KIF3A: variants seen among roughly 807,000 people sequenced by gnomAD.
The protein encoded by KIF3A is kinesin family member 3A.
Under a neutral mutation model 92.6 loss-of-function variants are expected in KIF3A, and 27 were observed. The observed-to-expected ratio is 0.29, with a 90% CI of 0.21 to 0.40. The LOEUF is 0.40. KIF3A is among the 10% of genes least tolerant of loss of function. The pLI is 1.00. For synonymous variants in KIF3A, 250 were observed against 275.4 expected, an observed-to-expected ratio of 0.91 and a Z score of 0.92; for missense variants, 581 against 872.6, an observed-to-expected ratio of 0.67 and a Z score of 4.21.
chr5:132,737,518 C>G lies in KIF3A; in HGVS notation c.-99G>C. ...ATGGCCAGAGACTACCGAAACACCT[C>G]GTTGACGCTCTCGAGACTGCGGCTT... is the stretch of plus-strand genomic sequence containing the variant. On this transcript the variant is annotated 5_prime_UTR_variant, in exon 1 of 19. Transcript: ENST00000403231. 7.2e-7 allele frequency: 1 copy of G among 1,396,974 alleles called. No individual in the cohort carries two copies. Among genetic ancestry groups the G allele is most frequent in the Non-Finnish European group, 9.8e-7 (1 of 1,016,632 alleles). 86.5% of individuals were successfully genotyped at this position (1,396,974 alleles called of 1,614,324 possible).
At chr5:132,731,624 T>G (rs779652109) in intron 2 of KIF3A, among the ~76,000 whole-genome samples, 8 of 152,094 alleles carry the variant, frequency 5.3e-5, no homozygotes, top group Admixed American at 3.3e-4. Context: ...TTACTGGAGG[T>G]TCTAGCCTCC....
chr5:132,733,443 C>T (rs978747023), intron 2 of KIF3A, among the ~76,000 whole-genome samples: 2 of 152,066 alleles, frequency 1.3e-5, no homozygotes, highest in African/African-American at 4.8e-5. Flanking sequence ...CTAAAAGCTA[C>T]AAAATACAGA....
intron 5 of KIF3A, among the ~76,000 whole-genome samples, chr5:132,717,817 TGCA>T (rs1213594978): frequency 5.3e-5 from 8 of 152,188 alleles, no homozygotes; most frequent in South Asian, 2.1e-4. Flanking sequence ...TATACATTCA[TGCA>T]GCATTTTTCT....
At chr5:132,716,788 A>T in intron 6 of KIF3A, 57 bp downstream of exon 6, 1 of 1,555,840 alleles carries the variant, frequency 6.4e-7, no homozygotes, top group Non-Finnish European at 8.8e-7. Context: ...TCATTCATTT[A>T]TAAAATAAAT....
At chr5:132,702,310 A>G (rs1196480686) in intron 14 of KIF3A, 98 bp from the exon 15 acceptor site, 3 of 1,133,174 alleles carry the variant, frequency 2.6e-6, no homozygotes, top group Admixed American at 2.2e-5. Context: ...ACCTTGTGAG[A>G]GCTTACCTAG....
chr5:132,706,514 T>C, intron 10 of KIF3A, 55 bp from the exon 11 acceptor site: 1 of 1,446,818 alleles, frequency 6.9e-7, no homozygotes, highest in South Asian at 1.3e-5. Context: ...CGCACAGAGA[T>C]GAGGAGGAAA....
At chr5:132,698,598 A>G (rs1378509630) in intron 18 of KIF3A, among the ~76,000 whole-genome samples, 2 of 152,232 alleles carry the variant, frequency 1.3e-5, no homozygotes, top group African/African-American at 4.8e-5. Flanking sequence ...AAGGAATTAA[A>G]CCCATTATAC....
intron 8 of KIF3A, among the ~76,000 whole-genome samples, chr5:132,714,244 G>A (rs1753535871): frequency 6.6e-6 from 1 of 152,076 alleles, no homozygotes; most frequent in African/African-American, 2.4e-5. Flanking sequence ...CATAGACAAA[G>A]CAGAATGGTT....
At chr5:132,703,347 C>G (rs1753106984) in intron 12 of KIF3A, 116 bp downstream of exon 12, 2 of 858,504 alleles carry the variant, frequency 2.3e-6, no homozygotes, top group Admixed American at 5.4e-5. Context: ...TCCAAAATAG[C>G]TACACTGGAG....
At chr5:132,703,774 T>C in intron 11 of KIF3A, 155 bp from the exon 12 acceptor site, 1 of 574,578 alleles carries the variant, frequency 1.7e-6, no homozygotes, top group Admixed American at 3.2e-5. Flanking sequence ...ATATCATGCA[T>C]TTCCATTTAT....
chr5:132,728,407 T>C (rs1479474102), intron 2 of KIF3A, among the ~76,000 whole-genome samples: 3 of 152,108 alleles, frequency 2.0e-5, no homozygotes, highest in Non-Finnish European at 4.4e-5. Flanking sequence ...TCCTAAAAAA[T>C]AGGCACTATT....
chr5:132,731,533 T>C (rs187768861), intron 2 of KIF3A, among the ~76,000 whole-genome samples: 4 of 152,266 alleles, frequency 2.6e-5, no homozygotes, highest in African/African-American at 9.6e-5. Context: ...TTTACAGACA[T>C]CATCATACTG....
chr5:132,736,046 T>C (rs982124118), intron 1 of KIF3A, among the ~76,000 whole-genome samples: 1 of 152,224 alleles, frequency 6.6e-6, no homozygotes, highest in African/African-American at 2.4e-5. Context: ...CAACAGCCAC[T>C]TCACCTGGGA....
intron 4 of KIF3A, among the ~76,000 whole-genome samples, chr5:132,724,485 C>T (rs1392184784): frequency 6.6e-6 from 1 of 151,938 alleles, no homozygotes; most frequent in Non-Finnish European, 1.5e-5. Flanking sequence ...GAGTTCATGT[C>T]CTTTGTAGGG....
chr5:132,700,216 A>G lies in KIF3A; in HGVS notation c.2007T>C (p.Asp669=), dbSNP rs1752986260. 2 of 1,545,810 alleles carry G rather than the reference A, an allele frequency of 1.3e-6. No individual in the cohort carries two copies. The highest frequency in any genetic ancestry group is 1.8e-6 in the Non-Finnish European group (2 of 1,128,056). The change falls in exon 17 of 19, where the codon GAT becomes GAC. Residue 669 remains aspartate (D), a splice_region_variant and synonymous_variant. Coordinates refer to ENST00000403231, the MANE Select transcript of KIF3A (RefSeq NM_001300791.2). ...QTPVPDKKEK[D]PFEVDLSHVY... ...TTTGTTTTTTTTTAAGTACTCTTAC[A>G]TCTTTCTCCTTTTTATCAGGTACTG...
intron 11 of KIF3A, 68 bp downstream of exon 11, chr5:132,706,383 T>C (rs1753210860): frequency 2.5e-6 from 3 of 1,192,618 alleles, no homozygotes; most frequent in African/African-American, 3.3e-5. Flanking sequence ...ATTTAATGTA[T>C]TTAAATAACA....
Position 132,707,028 on chromosome 5 carries a change from C to T in KIF3A, c.1301-569G>A, listed in dbSNP as rs545869191. Among the ~76,000 whole-genome samples, 251 of 152,066 alleles carry T rather than the reference C, an allele frequency of 1.7e-3. 1 individual carries two copies. The highest frequency in any genetic ancestry group is 2.4e-3 in the Non-Finnish European group (164 of 67,976). On this transcript the variant is annotated intron_variant, in intron 10 of 18. Coordinates refer to ENST00000403231, the MANE Select transcript of KIF3A (RefSeq NM_001300791.2). ...CCAATCCAACAGATAAATTAGATTA[C>T]AGTAATTTCCACTGATTATTTGATT...
chr5:132,734,148 T>C (rs903662245), intron 2 of KIF3A, 57 bp downstream of exon 2: 3 of 1,339,360 alleles, frequency 2.2e-6, no homozygotes, highest in Non-Finnish European at 3.1e-6. Context: ...TGTGAATTTA[T>C]GGCACAGTAA....
At chr5:132,702,726 T>C in intron 13 of KIF3A, 58 bp from the exon 14 acceptor site, 5 of 1,381,438 alleles carry the variant, frequency 3.6e-6, no homozygotes, top group Non-Finnish European at 4.1e-6. Flanking sequence ...AAATATCTAA[T>C]TCTTTAACAA....
Sources: gnomAD v4.1 joint callset for allele counts (sites outside exome capture counted in the v4.1 genomes callset) on GRCh38, gnomAD v4.1.1 for gene constraint, MANE v1.5 for transcripts, NCBI Gene and HGNC (gene_info 2026-07-23, HGNC 2026-07-21) for gene names.